LRRTM4: variants seen among roughly 807,000 people sequenced by gnomAD.
LRRTM4 encodes leucine rich repeat transmembrane neuronal 4.
A neutral mutation model predicts 47.6 loss-of-function variants in LRRTM4; 25 were observed. The ratio of observed to expected loss-of-function variants is 0.53; its 90% CI spans 0.38 to 0.73. The LOEUF (loss-of-function observed/expected upper bound fraction) is 0.73. LRRTM4 is among the 30% of genes least tolerant of loss of function. The probability of loss-of-function intolerance (pLI) is 0.00; values close to 1 mark genes in which losing one functional copy is unlikely to be tolerated. For synonymous variants in LRRTM4, 311 were observed against 269.5 expected, an observed-to-expected ratio of 1.15 and a Z score of -1.51; for missense variants, 638 against 713.4, an observed-to-expected ratio of 0.89 and a Z score of 1.20.
At chr2:77,333,863 C>T (rs1267426293) in intron 3 of LRRTM4, among the ~76,000 whole-genome samples, 1 of 152,158 alleles carries the variant, frequency 6.6e-6, no homozygotes, top group African/African-American at 2.4e-5. Flanking sequence ...GCTGCGGACA[C>T]TCAGCACCAG....
chr2:77,232,786 T>A (rs111812995), intron 3 of LRRTM4, among the ~76,000 whole-genome samples: 1 of 152,192 alleles, frequency 6.6e-6, no homozygotes, highest in Non-Finnish European at 1.5e-5. Flanking sequence ...GAGAAAAAAA[T>A]TAAAATGTCC....
chr2:76,897,193 G>T (rs565593335), intron 3 of LRRTM4, among the ~76,000 whole-genome samples: 4 of 152,078 alleles, frequency 2.6e-5, no homozygotes, highest in Non-Finnish European at 4.4e-5. Flanking sequence ...TGTTTGCCCC[G>T]TGCAGAGTAG....
intron 3 of LRRTM4, among the ~76,000 whole-genome samples, chr2:77,492,830 T>A (rs995343614): frequency 5.3e-5 from 8 of 152,110 alleles, no homozygotes; most frequent in African/African-American, 1.9e-4. Flanking sequence ...GGATAGTTAA[T>A]GTATTGAAAA....
chr2:77,232,829 G>A (rs969151002), intron 3 of LRRTM4, among the ~76,000 whole-genome samples: 5 of 152,120 alleles, frequency 3.3e-5, no homozygotes, highest in Non-Finnish European at 2.9e-5. Flanking sequence ...GAAGTAACTT[G>A]CATCTTAAGA....
intron 3 of LRRTM4, among the ~76,000 whole-genome samples, chr2:77,425,727 C>T (rs1054011522): frequency 1.3e-5 from 2 of 152,146 alleles, no homozygotes; most frequent in Non-Finnish European, 2.9e-5. Flanking sequence ...TTGGATATCT[C>T]AAATCTCTAC....
intron 3 of LRRTM4, among the ~76,000 whole-genome samples, chr2:77,362,696 G>C (rs957856061): frequency 6.6e-6 from 1 of 152,140 alleles, no homozygotes; most frequent in African/African-American, 2.4e-5. Flanking sequence ...AGTCTAACTG[G>C]CTCTGTCCTT....
intron 3 of LRRTM4, among the ~76,000 whole-genome samples, chr2:76,958,023 C>T (rs556496470): frequency 2.7e-4 from 41 of 151,520 alleles, no homozygotes; most frequent in African/African-American, 8.7e-4. Flanking sequence ...CAGCTGTAGG[C>T]CTTAAGTATT....
chr2:76,847,496 A>G (rs1285370330), intron 3 of LRRTM4, among the ~76,000 whole-genome samples: 1 of 152,118 alleles, frequency 6.6e-6, no homozygotes, highest in East Asian at 1.9e-4. Flanking sequence ...CTATTAGTTT[A>G]CTAAAATTAA....
chr2:77,371,069 G>T (rs1306114868), intron 3 of LRRTM4, among the ~76,000 whole-genome samples: 1 of 151,662 alleles, frequency 6.6e-6, no homozygotes, highest in African/African-American at 2.4e-5. Flanking sequence ...TCAAAGGTGA[G>T]TCCCTCTATA....
In LRRTM4 at chr2:77,255,398, A is replaced by C. The variant is rs186126640; in HGVS notation, c.1551+262920T>G. On this transcript the variant is annotated intron_variant, in intron 3 of 3. Transcript: ENST00000409884. ...TCAGCAAGTATATATAAGAACCAGT[A>C]TCACTATCATTAAACTACAGGATCT... Among the ~76,000 whole-genome samples, 17 of 152,144 alleles carry C rather than the reference A, an allele frequency of 1.1e-4. No homozygotes were observed. In the East Asian group the frequency reaches 3.3e-3, roughly 29 times the overall value.
At chr2:77,504,294 T>C (rs1225810371) in intron 3 of LRRTM4, among the ~76,000 whole-genome samples, 4 of 151,778 alleles carry the variant, frequency 2.6e-5, no homozygotes, top group South Asian at 4.1e-4. Flanking sequence ...AGTGACAAAG[T>C]AGTTGTCACA....
chr2:76,769,519 G>A (rs971144446), intron 3 of LRRTM4, among the ~76,000 whole-genome samples: 2 of 147,924 alleles, frequency 1.4e-5, no homozygotes, highest in African/African-American at 5.0e-5. Flanking sequence ...AAGCTCACTT[G>A]CAACTGAAAA....
chr2:77,024,775 A>T (rs1488807499), intron 3 of LRRTM4, among the ~76,000 whole-genome samples: 4 of 152,206 alleles, frequency 2.6e-5, no homozygotes, highest in Non-Finnish European at 5.9e-5. Flanking sequence ...AAAAGTATAT[A>T]GTAGGAATTC....
intron 3 of LRRTM4, among the ~76,000 whole-genome samples, chr2:76,905,298 T>C (rs1673788752): frequency 6.6e-6 from 1 of 152,072 alleles, no homozygotes; most frequent in South Asian, 2.1e-4. Flanking sequence ...TCCTGTCTGT[T>C]AGAAGGAAAA....
intron 3 of LRRTM4, among the ~76,000 whole-genome samples, chr2:77,299,725 T>C (rs1447934725): frequency 6.6e-6 from 1 of 152,062 alleles, no homozygotes; most frequent in Non-Finnish European, 1.5e-5. Flanking sequence ...TCTCAAGGAG[T>C]TTATCCATCA....
chr2:77,306,969 G>A (rs948892970), intron 3 of LRRTM4, among the ~76,000 whole-genome samples: 74 of 139,930 alleles, frequency 5.3e-4, no homozygotes, highest in African/African-American at 1.9e-3. Context: ...GCGCGATCTC[G>A]GCTCACTGCA....
intron 3 of LRRTM4, among the ~76,000 whole-genome samples, chr2:77,032,319 C>CA (rs1380833396): frequency 1.3e-5 from 2 of 152,080 alleles, no homozygotes; most frequent in Non-Finnish European, 2.9e-5. Flanking sequence ...CTAATCATCT[C>CA]AAACAAAATA....
intron 3 of LRRTM4, among the ~76,000 whole-genome samples, chr2:77,494,774 G>T (rs114737510): frequency 1.3e-5 from 2 of 151,932 alleles, no homozygotes; most frequent in African/African-American, 4.8e-5. Flanking sequence ...CACAAGTTTC[G>T]TTGTTCCCCT....
intron 3 of LRRTM4, among the ~76,000 whole-genome samples, chr2:77,439,101 G>A (rs1675729339): frequency 6.6e-6 from 1 of 152,156 alleles, no homozygotes; most frequent in African/African-American, 2.4e-5. Context: ...GTAAAGCTCA[G>A]AACCATCAGA....
Sources: allele counts gnomAD v4.1 joint callset (sites outside exome capture counted in the v4.1 genomes callset), GRCh38; gene constraint gnomAD v4.1.1; transcripts MANE v1.5; gene names NCBI Gene and HGNC (gene_info 2026-07-23, HGNC 2026-07-21).